TRIM14: variants seen among roughly 807,000 people sequenced by gnomAD.
TRIM14 encodes the protein tripartite motif-containing protein 14.
Under a neutral mutation model 44.5 loss-of-function variants are expected in TRIM14, and 28 were observed. That is an observed-to-expected ratio of 0.63 (90% CI 0.47 to 0.86). TRIM14 has a LOEUF of 0.86. Ranked by LOEUF, TRIM14 falls within the 40% of genes least tolerant of loss-of-function variation. TRIM14 has a pLI of 0.00. For missense variants in TRIM14, 607 were observed against 611.1 expected (o/e 0.99, Z 0.07); for synonymous variants, 299 against 269.2 (o/e 1.11, Z -1.08).
At chr9:98,104,996 T>A (rs953502043) in intron 2 of TRIM14, among the ~76,000 whole-genome samples, 1 of 131,754 alleles carries the variant, frequency 7.6e-6, no homozygotes, top group Non-Finnish European at 1.6e-5. Context: ...GACTCTGCTA[T>A]GGTGGCAATG....
chr9:98,073,256 G>A (rs1352844517), intron 6 of TRIM14, among the ~76,000 whole-genome samples: 2 of 122,792 alleles, frequency 1.6e-5, no homozygotes, highest in East Asian at 2.8e-4. Context: ...GTTCTCCCCA[G>A]CTCATCACCA....
chr9:98,052,760 C>A, the TRIM14 span, among the ~76,000 whole-genome samples: 27 of 152,358 alleles, frequency 1.8e-4, 1 homozygote, highest in East Asian at 4.6e-3. Context: ...CTCTCCTTGG[C>A]CTCCCAATGT....
chr9:98,103,609 C>T (rs780525991), intron 2 of TRIM14, among the ~76,000 whole-genome samples: 1 of 151,946 alleles, frequency 6.6e-6, no homozygotes, highest in Admixed American at 6.6e-5. Context: ...GAGGCTGAGG[C>T]GAATGGATCA....
intron 4 of TRIM14, among the ~76,000 whole-genome samples, chr9:98,093,861 T>G (rs1425464240): frequency 6.6e-6 from 1 of 152,162 alleles, no homozygotes; most frequent in Non-Finnish European, 1.5e-5. Context: ...TTCTCCTGCC[T>G]CAGCTTCCCG....
chr9:98,059,052 C>CT, the TRIM14 span, among the ~76,000 whole-genome samples: 1 of 151,756 alleles, frequency 6.6e-6, no homozygotes, highest in African/African-American at 2.4e-5. Flanking sequence ...AAGACGGAGT[C>CT]TCGCTGTGTC....
At chr9:98,114,490 C>T (rs368613099) in intron 1 of TRIM14, among the ~76,000 whole-genome samples, 5 of 152,206 alleles carry the variant, frequency 3.3e-5, no homozygotes, top group South Asian at 2.1e-4. Flanking sequence ...CCCGCCACCA[C>T]GCCTGGCTAA....
intron 1 of TRIM14, among the ~76,000 whole-genome samples, chr9:98,111,923 A>C (rs1285803246): frequency 6.6e-6 from 1 of 152,212 alleles, no homozygotes; most frequent in Non-Finnish European, 1.5e-5. Context: ...GGGCAACAAG[A>C]GTGAAACTCC....
the TRIM14 span, among the ~76,000 whole-genome samples, chr9:98,051,937 G>A: frequency 2.0e-5 from 3 of 152,074 alleles, no homozygotes; most frequent in Non-Finnish European, 4.4e-5. Flanking sequence ...CCTCTAGGTG[G>A]TCAAGAGCGT....
chr9:98,103,331 TAAAAC>T (rs1826472736), intron 2 of TRIM14, among the ~76,000 whole-genome samples: 1 of 151,624 alleles, frequency 6.6e-6, no homozygotes, highest in Non-Finnish European at 1.5e-5. Flanking sequence ...TAAAACATAA[TAAAAC>T]AAAACCTGTA....
At chr9:98,111,668 G>A (rs896193797) in intron 1 of TRIM14, among the ~76,000 whole-genome samples, 14 of 152,110 alleles carry the variant, frequency 9.2e-5, no homozygotes, top group African/African-American at 2.9e-4. Context: ...GGCTGGACAC[G>A]GTGGCTAACG....
chr9:98,056,196 A>T, the TRIM14 span, among the ~76,000 whole-genome samples: 4 of 152,112 alleles, frequency 2.6e-5, no homozygotes, highest in Non-Finnish European at 1.5e-5. Context: ...AAAACTTACT[A>T]CAAGCCAAGT....
chr9:98,107,673 A>AT (rs35656249), intron 2 of TRIM14, among the ~76,000 whole-genome samples: 43,407 of 149,268 alleles, frequency 0.29, 6,846 homozygotes, highest in African/African-American at 0.43. Context: ...GTGTAGGTAG[A>AT]TTTTTTTTTT....
intron 6 of TRIM14, among the ~76,000 whole-genome samples, chr9:98,073,588 TTC>T (rs1221974325): frequency 6.7e-6 from 1 of 149,578 alleles, no homozygotes; most frequent in Admixed American, 6.6e-5. Flanking sequence ...TGGCCTGGGC[TTC>T]TTTTTTTTTT....
intron 4 of TRIM14, among the ~76,000 whole-genome samples, chr9:98,093,997 G>T (rs768757443): frequency 1.3e-5 from 2 of 152,056 alleles, no homozygotes; most frequent in Non-Finnish European, 2.9e-5. Flanking sequence ...ACCCACCTCG[G>T]CCTCCCAAAG....
At chr9:98,043,661 G>C in the TRIM14 span, among the ~76,000 whole-genome samples, 531 of 151,524 alleles carry the variant, frequency 3.5e-3, 1 homozygote, top group African/African-American at 0.011. Context: ...CACACACAGA[G>C]AGAGATCCTA....
At chr9:98,104,532 AGAGG>A (rs1242866221) in intron 2 of TRIM14, among the ~76,000 whole-genome samples, 1 of 152,174 alleles carries the variant, frequency 6.6e-6, no homozygotes, top group African/African-American at 2.4e-5. Flanking sequence ...GTAGAGAGAG[AGAGG>A]GAAGGGGAGA....
At chr9:98,073,982 C>T (rs985302119) in intron 6 of TRIM14, among the ~76,000 whole-genome samples, 13 of 151,808 alleles carry the variant, frequency 8.6e-5, no homozygotes, top group Non-Finnish European at 1.3e-4. Flanking sequence ...AACGGGATTT[C>T]GCCATGTTGC....
At chr9:98,075,869 A>G (rs1266458124) in intron 6 of TRIM14, 1 of 152,166 alleles carries the variant, frequency 6.6e-6, no homozygotes, top group Non-Finnish European at 1.5e-5. Flanking sequence ...ATGATAATAA[A>G]AAGTTTTTGA....
At chr9:98,057,334 TTC>T in the TRIM14 span, among the ~76,000 whole-genome samples, 2 of 152,194 alleles carry the variant, frequency 1.3e-5, no homozygotes, top group Non-Finnish European at 2.9e-5. Context: ...GTCATAATTC[TTC>T]TCTGACATTC....
Sources: gnomAD v4.1 joint callset for allele counts (sites outside exome capture counted in the v4.1 genomes callset) on GRCh38, gnomAD v4.1.1 for gene constraint, MANE v1.5 for transcripts, NCBI Gene and HGNC (gene_info 2026-07-23, HGNC 2026-07-21) for gene names.